The following MAD1L1 variants were observed in gnomAD, a reference collection of about 807,000 sequenced individuals.
MAD1L1 encodes mitotic spindle assembly checkpoint protein MAD1.
Under a neutral mutation model 96.9 loss-of-function variants are expected in MAD1L1, and 95 were observed. The observed-to-expected ratio is 0.98, with a 90% CI of 0.83 to 1.16. The LOEUF (loss-of-function observed/expected upper bound fraction) is 1.16. Ranked by LOEUF, MAD1L1 falls within the 50% of genes most tolerant of loss-of-function variation. The probability of loss-of-function intolerance (pLI) is 0.00; values close to 1 mark genes in which losing one functional copy is unlikely to be tolerated. For synonymous variants in MAD1L1, 473 were observed against 396.6 expected, an observed-to-expected ratio of 1.19 and a Z score of -2.29; for missense variants, 1,007 against 954.4, an observed-to-expected ratio of 1.06 and a Z score of -0.73.
intron 11 of MAD1L1, among the ~76,000 whole-genome samples, chr7:2,077,128 A>T (rs936299033): frequency 2.0e-5 from 3 of 152,036 alleles, no homozygotes; most frequent in South Asian, 4.2e-4. Context: ...TGGTTACGAC[A>T]TGGTGAGCTC....
At chr7:2,014,078 C>T (rs146727020) in intron 13 of MAD1L1, among the ~76,000 whole-genome samples, 99 of 152,316 alleles carry the variant, frequency 6.5e-4, no homozygotes, top group African/African-American at 2.3e-3. Context: ...CCCTGCCCGT[C>T]AGGCCCCAGC....
At chr7:2,082,837 C>T (rs578206177) in intron 11 of MAD1L1, among the ~76,000 whole-genome samples, 1 of 152,382 alleles carries the variant, frequency 6.6e-6, no homozygotes, top group East Asian at 1.9e-4. Context: ...CGCCGCACGA[C>T]CACTCCAGCT....
At position 2,225,513 on chromosome 7, in the gene MAD1L1, T is replaced by G. The variant is rs766733444; in HGVS notation, c.188A>C (p.His63Pro). 1.1e-5 allele frequency: 18 copies of G among 1,613,906 alleles called. No individual in the cohort carries two copies. Among genetic ancestry groups the G allele is most frequent in the Non-Finnish European group, 1.5e-5 (18 of 1,180,042 alleles). Reference sequence around the variant, plus strand: ...TTTCTCCCGCTCCACCTGGATGAGGTGGGACTTCGAACGGATCTGCTCTGC... The same window carrying G: ...TTTCTCCCGCTCCACCTGGATGAGGGGGGACTTCGAACGGATCTGCTCTGC... ...ERAEQIRSKS[H>P]LIQVEREKMQ... is the part of the protein sequence containing the mutation. The change falls in exon 4 of 19, where the codon CAC becomes CCC. Residue 63 changes from histidine to proline, a missense_variant. Coordinates refer to ENST00000265854, the MANE Select transcript of MAD1L1 (RefSeq NM_001013836.2).
At chr7:2,200,746 G>A (rs189328333) in intron 10 of MAD1L1, among the ~76,000 whole-genome samples, 118 of 152,328 alleles carry the variant, frequency 7.7e-4, no homozygotes, top group African/African-American at 2.6e-3. Context: ...AGGACCGCCT[G>A]CTTCATGCAC....
In MAD1L1 at chr7:1,936,777, C is replaced by T. The variant is rs761086103; in HGVS notation, c.1717G>A (p.Gly573Arg). The T allele has an allele frequency of 2.9e-5, 45 of 1,576,680 alleles. No individual in the cohort carries two copies. The highest frequency in any genetic ancestry group is 9.4e-5 in the African/African-American group (7 of 74,314). ...CCTCTCTCCATGGCGCGCAGGAGCC[C>T]GCGCAGTCGCTCGCACTCCGCCTGC... ...QLQAECERLR[G>R]LLRAMERGGT... is the part of the protein sequence containing the mutation. Residue 573 changes from glycine (G) to arginine (R), a missense_variant, in exon 17 of 19, where the codon GGG becomes AGG. By Grantham distance (125) the Gly-to-Arg change is moderately radical (BLOSUM62 -2). Coordinates refer to ENST00000265854, the MANE Select transcript of MAD1L1 (RefSeq NM_001013836.2).
chr7:1,887,717 G>A (rs569867756), intron 18 of MAD1L1, among the ~76,000 whole-genome samples: 1 of 149,840 alleles, frequency 6.7e-6, no homozygotes, highest in Non-Finnish European at 1.5e-5. Context: ...GCATGTGTGT[G>A]CATACATGCA....
chr7:1,957,146 C>T (rs936090436), intron 16 of MAD1L1, among the ~76,000 whole-genome samples: 1 of 152,256 alleles, frequency 6.6e-6, no homozygotes, highest in Admixed American at 6.5e-5. Context: ...ACAGATGTCA[C>T]TCCTCCCATC....
intron 18 of MAD1L1, among the ~76,000 whole-genome samples, chr7:1,843,617 T>A (rs969126663): frequency 1.4e-4 from 21 of 152,224 alleles, no homozygotes; most frequent in African/African-American, 4.6e-4. Flanking sequence ...CCAAAGTGCG[T>A]GCTTCCTCCT....
intron 11 of MAD1L1, among the ~76,000 whole-genome samples, chr7:2,127,172 G>A (rs2128565325): frequency 6.6e-6 from 1 of 152,336 alleles, no homozygotes; most frequent in Non-Finnish European, 1.5e-5. Context: ...GAGGTGCTCA[G>A]GGCTGGCATG....
chr7:1,898,507 G>T, intron 17 of MAD1L1, 117 bp from the exon 18 acceptor site: 1 of 779,072 alleles, frequency 1.3e-6, no homozygotes, highest in Non-Finnish European at 2.1e-6. Flanking sequence ...GCTGCCCAGG[G>T]ACACAGCAAG....
At chr7:2,036,944 C>T (rs542370409) in intron 12 of MAD1L1, among the ~76,000 whole-genome samples, 2 of 152,262 alleles carry the variant, frequency 1.3e-5, no homozygotes, top group African/African-American at 4.8e-5. Flanking sequence ...CTGAACACTC[C>T]TCCCAGGGCT....
In MAD1L1 at chr7:2,114,934, C is replaced by T. The variant is rs925910441; in HGVS notation, c.1073+34218G>A. Among the ~76,000 whole-genome samples, 21 of 152,236 alleles carry T rather than the reference C, an allele frequency of 1.4e-4. No homozygotes were observed. The highest frequency in any genetic ancestry group is 4.1e-4 in the African/African-American group (17 of 41,456). Reference sequence around the variant, plus strand: ...CGAAGCCCCGCCTTCCGGTGAGCACCGCTGCAGCAGCAGGGAACCTTCCGG... The same window carrying T: ...CGAAGCCCCGCCTTCCGGTGAGCACTGCTGCAGCAGCAGGGAACCTTCCGG... On this transcript the variant is annotated intron_variant, in intron 11 of 18. Coordinates refer to ENST00000265854, the MANE Select transcript of MAD1L1 (RefSeq NM_001013836.2). The surrounding 1 kb of genome is among the most constrained non-coding windows in gnomAD (Gnocchi z 4.2).
At chr7:2,174,185 G>A (rs764316254) in intron 10 of MAD1L1, among the ~76,000 whole-genome samples, 9 of 152,272 alleles carry the variant, frequency 5.9e-5, no homozygotes, top group East Asian at 3.9e-4. Context: ...TCTCTCATGC[G>A]ACTGTTAGTT....
At chr7:1,872,603 C>T (rs555924545) in intron 18 of MAD1L1, 1 of 152,500 alleles carries the variant, frequency 6.6e-6, no homozygotes, top group East Asian at 1.9e-4. Context: ...GGACGCAGCC[C>T]AGGGCAGAGG....
At chr7:2,045,750 GC>G (rs1783892017) in intron 12 of MAD1L1, among the ~76,000 whole-genome samples, 1 of 152,070 alleles carries the variant, frequency 6.6e-6, no homozygotes, top group South Asian at 2.1e-4. Context: ...GGGGAGGGGA[GC>G]GGGACATGGG....
chr7:1,977,437 C>G (rs760852322), intron 15 of MAD1L1, among the ~76,000 whole-genome samples: 17 of 152,360 alleles, frequency 1.1e-4, no homozygotes, highest in Non-Finnish European at 2.4e-4. Flanking sequence ...CCACGCCCAC[C>G]CAGAACTCGC....
In MAD1L1 at chr7:2,153,852, G is replaced by A. The variant is rs574499927; in HGVS notation, c.987-4614C>T. Among the ~76,000 whole-genome samples the A allele has an allele frequency of 1.2e-4, 19 of 152,328 alleles. No individual in the cohort carries two copies. In the East Asian group the frequency reaches 2.5e-3, roughly 20 times the overall value. On this transcript the variant is annotated intron_variant, in intron 10 of 18. Coordinates refer to ENST00000265854, the MANE Select transcript of MAD1L1 (RefSeq NM_001013836.2). ...ATGTACACACAGTGGAATGCTATCC[G>A]GCCGTAAGAAAGAACAAGAGCTGGG...
chr7:2,171,722 G>A (rs1790717013), intron 10 of MAD1L1, among the ~76,000 whole-genome samples: 1 of 151,874 alleles, frequency 6.6e-6, no homozygotes, highest in Non-Finnish European at 1.5e-5. Context: ...CAGCTGGAGG[G>A]TGGAGATGGG....
intron 17 of MAD1L1, among the ~76,000 whole-genome samples, chr7:1,931,525 G>T (rs193092941): frequency 2.0e-5 from 3 of 152,180 alleles, no homozygotes; most frequent in Admixed American, 1.3e-4. Context: ...CCTCTCAGCC[G>T]ATCATGTCGG....
Sources: allele counts gnomAD v4.1 joint callset (sites outside exome capture counted in the v4.1 genomes callset), GRCh38; gene constraint gnomAD v4.1.1; non-coding constraint Gnocchi (gnomAD v3.1); transcripts MANE v1.5; gene names NCBI Gene and HGNC (gene_info 2026-07-23, HGNC 2026-07-21).